The following PSG9 variants were observed in gnomAD, a reference collection of about 807,000 sequenced individuals.
PSG9 encodes pregnancy specific beta-1-glycoprotein 9, also known as pregnancy-specific beta-1-glycoprotein 9.
Under a neutral mutation model 41.9 loss-of-function variants are expected in PSG9, and 49 were observed. The observed-to-expected ratio is 1.17, with a 90% CI of 0.93 to 1.48. The LOEUF is 1.48. Among genes scored for constraint, PSG9 ranks in the 40% most tolerant of loss-of-function variants. The pLI is 0.00. For missense variants in PSG9, 641 were observed against 520.3 expected (o/e 1.23, Z -2.26); for synonymous variants, 263 against 196.8 (o/e 1.34, Z -2.82).
At chr19:43,268,635 C>A (rs565723142) in intron 1 of PSG9, among the ~76,000 whole-genome samples, 3 of 152,180 alleles carry the variant, frequency 2.0e-5, no homozygotes, top group Non-Finnish European at 4.4e-5. Context: ...AGCGTGAGCT[C>A]CGTGAGGACA....
chr19:43,261,806 G>A (rs1176650313), intron 3 of PSG9, 54 bp downstream of exon 3: 8 of 1,613,886 alleles, frequency 5.0e-6, no homozygotes, highest in East Asian at 2.2e-5. Flanking sequence ...CTGGCCTCTG[G>A]CCATGTGTAT....
intron 2 of PSG9, among the ~76,000 whole-genome samples, chr19:43,266,908 A>T (rs1371585518): frequency 6.6e-6 from 1 of 152,114 alleles, no homozygotes; most frequent in Non-Finnish European, 1.5e-5. Flanking sequence ...TGGCAAATGG[A>T]CTGTGGCTTT....
chr19:43,259,489 G>A (rs60551986), intron 3 of PSG9: 17,281 of 291,638 alleles, frequency 0.059, 3,165 homozygotes, highest in African/African-American at 0.25. Flanking sequence ...ATGTGCAACT[G>A]CTGGGCCCCT....
At position 43,253,474 on chromosome 19, in the gene PSG9, A is replaced by G. The variant is rs1968340374; in HGVS notation, c.*135T>C. ...AATAAAACATTCAAAGAATCAGCAC[A>G]TTTTCCAATAAAAAATTATGAAAAC... On this transcript the variant is annotated 3_prime_UTR_variant, in exon 6 of 6. Coordinates refer to ENST00000270077, the MANE Select transcript of PSG9 (RefSeq NM_002784.5). The G allele has an allele frequency of 4.6e-6, 2 of 430,786 alleles. No homozygotes were observed. Among genetic ancestry groups the G allele is most frequent in the South Asian group, 1.0e-4 (2 of 19,522 alleles). The allele number at this position is 430,786 out of a possible 1,614,324, so 26.7% of individuals were successfully genotyped here. A position where few individuals can be genotyped will look rare whatever the true frequency, so the allele number is the denominator to read the frequency against.
chr19:43,257,660 A>T, intron 5 of PSG9: 1 of 1,049,068 alleles, frequency 9.5e-7, no homozygotes, highest in Non-Finnish European at 1.1e-6. Flanking sequence ...CCCTTTCTAC[A>T]CACACGCTAG....
In PSG9 at chr19:43,264,561, C is replaced by A. The variant is rs536844085; in HGVS notation, c.431-2423G>T. Among the ~76,000 whole-genome samples the A allele has an allele frequency of 2.6e-5, 4 of 152,174 alleles. No homozygotes were observed. The South Asian group carries it at 8.3e-4, about 32-fold the overall frequency. ...CAAGCTCCGCCTTCTGGGTTCACAC[C>A]ATTCTCCTGCCTAGGCCTCCCAAGT... On this transcript the variant is annotated intron_variant, in intron 2 of 5. Coordinates refer to ENST00000270077, the MANE Select transcript of PSG9 (RefSeq NM_002784.5).
chr19:43,258,050 A>C, intron 5 of PSG9, 152 bp downstream of exon 5: 1 of 1,580,976 alleles, frequency 6.3e-7, no homozygotes, highest in South Asian at 1.1e-5. Context: ...GAGTCTGTAG[A>C]GACAAATTGG....
In PSG9 at chr19:43,257,802, G is replaced by C. The variant is rs1004808245; in HGVS notation, c.1243+400C>G. The C allele has an allele frequency of 6.9e-6, 9 of 1,311,576 alleles. No individual in the cohort carries two copies. In the African/African-American group the frequency reaches 1.3e-4, roughly 19 times the overall value. 81.2% of individuals were successfully genotyped at this position (1,311,576 alleles called of 1,614,324 possible). On this transcript the variant is annotated intron_variant, in intron 5 of 5. Transcript: ENST00000270077. ...TCATCTGGGGGAAAAGTGTGAGCTT[G>C]TTTCAAAGCCTCAGCTGTCCCTTGT... is the stretch of plus-strand genomic sequence containing the variant.
In PSG9 at chr19:43,262,175, C is replaced by A. The variant is rs1176822854; in HGVS notation, c.431-37G>T. ...ACAGAGAGAAGATTGCCCTGTGTGGCACCTTTGATTCCTCCAAAGGCATTT... is the reference window on the plus strand; with the variant it reads ...ACAGAGAGAAGATTGCCCTGTGTGGAACCTTTGATTCCTCCAAAGGCATTT... On this transcript the variant is annotated intron_variant, in intron 2 of 5. Coordinates refer to ENST00000270077, the MANE Select transcript of PSG9 (RefSeq NM_002784.5). The A allele has an allele frequency of 2.5e-6, 4 of 1,593,276 alleles. No individual in the cohort carries two copies. In the Admixed American group the frequency reaches 6.9e-5, roughly 27 times the overall value.
In PSG9 at chr19:43,253,620, A is replaced by G. The variant is rs1968345360; in HGVS notation, c.1270T>C (p.Ser424Pro). 1.1e-6 allele frequency: 1 copy of G among 923,792 alleles called. No homozygotes were observed. Among genetic ancestry groups the G allele is most frequent in the African/African-American group, 1.8e-5 (1 of 56,200 alleles). 57.2% of individuals were successfully genotyped at this position (923,792 alleles called of 1,614,324 possible). Residue 424 changes from serine (S) to proline (P), a missense_variant, in exon 6 of 6, where the codon TCT becomes CCT. Transcript: ENST00000270077. ...SGPCHGDLTE[S>P]QS ...CTCAGTTGTTGCAGTCATGACTGAG[A>G]CTCTGTCAGGTCTCCATGGCAGGGA...
chr19:43,262,752 C>G (rs1322369104), intron 2 of PSG9, among the ~76,000 whole-genome samples: 1 of 152,082 alleles, frequency 6.6e-6, no homozygotes, highest in Non-Finnish European at 1.5e-5. Flanking sequence ...CCAGGTGTCT[C>G]ATAGTGACTG....
In PSG9 at chr19:43,269,349, C is replaced by T. The variant is rs1469274345; in HGVS notation, c.64+19G>A. 7 of 1,613,282 alleles carry T rather than the reference C, an allele frequency of 4.3e-6. No homozygotes were observed. The African/African-American group carries it at 6.7e-5, about 15-fold the overall frequency. On this transcript the variant is annotated intron_variant, in intron 1 of 5. Transcript: ENST00000270077. ...TCCGCTTCCTCCCCCTGTCCTCTCC[C>T]AGGAAGTTCTCTCCTCACCTGTGAG... is the stretch of plus-strand genomic sequence containing the variant.
At position 43,257,652 on chromosome 19, in the gene PSG9, C is replaced by T; in HGVS notation, c.1243+550G>A. ...AAATTCAGGACAGGCCACCAGGGCC[C>T]TTTCTACACACACGCTAGTCCCACC... On this transcript the variant is annotated intron_variant, in intron 5 of 5. Coordinates refer to ENST00000270077, the MANE Select transcript of PSG9 (RefSeq NM_002784.5). The T allele has an allele frequency of 1.9e-6, 2 of 1,035,972 alleles. 1 individual carries two copies. Among genetic ancestry groups the T allele is most frequent in the South Asian group, 9.2e-5 (2 of 21,784 alleles). 64.2% of individuals were successfully genotyped at this position (1,035,972 alleles called of 1,614,324 possible).
At chr19:43,261,037 A>G (rs1182842549) in intron 3 of PSG9, among the ~76,000 whole-genome samples, 1 of 152,124 alleles carries the variant, frequency 6.6e-6, no homozygotes, top group East Asian at 1.9e-4. Context: ...AGAATGATCT[A>G]GAAAGAGTGA....
At position 43,268,154 on chromosome 19, in the gene PSG9, G is replaced by T; in HGVS notation, c.65-5C>A. 3 of 1,594,452 alleles carry T rather than the reference G, an allele frequency of 1.9e-6. No homozygotes were observed. The highest frequency in any genetic ancestry group is 2.6e-6 in the Non-Finnish European group (3 of 1,170,906). ...TCCAGAAGTTTAAAAGTGATGCTAGGAGGGGGAGACAGCATCAGTTAATAT... is the reference window on the plus strand; with the variant it reads ...TCCAGAAGTTTAAAAGTGATGCTAGTAGGGGGAGACAGCATCAGTTAATAT... On this transcript the variant is annotated splice_polypyrimidine_tract_variant and splice_region_variant and intron_variant, in intron 1 of 5. Coordinates refer to ENST00000270077, the MANE Select transcript of PSG9 (RefSeq NM_002784.5).
chr19:43,259,737 G>A (rs1972531), intron 3 of PSG9: 8,497 of 150,762 alleles, frequency 0.056, 885 homozygotes, highest in Middle Eastern at 0.087. Context: ...GCAGTTTTTT[G>A]CAGGTGTTTC....
At chr19:43,261,733 T>A (rs552824795) in intron 3 of PSG9, 127 bp downstream of exon 3, 1 of 1,607,462 alleles carries the variant, frequency 6.2e-7, no homozygotes, top group East Asian at 2.2e-5. Flanking sequence ...CAGAAAGTCA[T>A]GGCCAGCTTT....
chr19:43,265,727 G>A (rs1968935678), intron 2 of PSG9, among the ~76,000 whole-genome samples: 1 of 152,098 alleles, frequency 6.6e-6, no homozygotes, highest in African/African-American at 2.4e-5. Context: ...GTGTGTGCAG[G>A]AGGCCAGAAG....
intron 2 of PSG9, among the ~76,000 whole-genome samples, chr19:43,265,468 T>C (rs1970793622): frequency 6.6e-6 from 1 of 152,160 alleles, no homozygotes. Flanking sequence ...ATGTGGCCCC[T>C]ACCTGGAGGC....
Sources: gnomAD v4.1 joint callset for allele counts (sites outside exome capture counted in the v4.1 genomes callset) on GRCh38, gnomAD v4.1.1 for gene constraint, MANE v1.5 for transcripts, NCBI Gene and HGNC (gene_info 2026-07-23, HGNC 2026-07-21) for gene names.